Variants in KLF12 observed in about 807,000 individuals in gnomAD.
KLF12 encodes the protein Krueppel-like factor 12.
A neutral mutation model predicts 37.8 loss-of-function variants in KLF12; 9 were observed. That is an observed-to-expected ratio of 0.24 (90% CI 0.14 to 0.42). The LOEUF is 0.42. Among genes scored for constraint, KLF12 ranks in the 10% least tolerant of loss-of-function variants. The probability of loss-of-function intolerance (pLI) is 1.00; values close to 1 mark genes in which losing one functional copy is unlikely to be tolerated. For missense variants in KLF12, 411 were observed against 516.0 expected, an observed-to-expected ratio of 0.80 and a Z score of 1.97; for synonymous variants, 208 against 202.1, an observed-to-expected ratio of 1.03 and a Z score of -0.25.
intron 3 of KLF12, among the ~76,000 whole-genome samples, chr13:73,889,740 A>G (rs1277127245): frequency 6.6e-6 from 1 of 152,152 alleles, no homozygotes; most frequent in East Asian, 1.9e-4. Flanking sequence ...AAGGGCTAAC[A>G]GAGTAAAAAA....
the KLF12 span, among the ~76,000 whole-genome samples, chr13:74,172,086 C>G: frequency 6.6e-6 from 1 of 150,854 alleles, no homozygotes; most frequent in African/African-American, 2.4e-5. Context: ...GTTTCAGCTA[C>G]AAGGAGAACT....
the KLF12 span, among the ~76,000 whole-genome samples, chr13:74,301,236 GA>G: frequency 6.6e-6 from 1 of 152,104 alleles, no homozygotes; most frequent in East Asian, 1.9e-4. Context: ...CCAGATCCCT[GA>G]TTACTTTTGC....
intron 3 of KLF12, among the ~76,000 whole-genome samples, chr13:73,919,230 A>T (rs1185584597): frequency 6.6e-6 from 1 of 152,188 alleles, no homozygotes; most frequent in Non-Finnish European, 1.5e-5. Context: ...GGGAGCTCCT[A>T]AAGTGTCACC....
chr13:74,157,372 A>G, the KLF12 span, among the ~76,000 whole-genome samples: 1 of 152,234 alleles, frequency 6.6e-6, no homozygotes, highest in South Asian at 2.1e-4. Flanking sequence ...TAGCAGGGCT[A>G]CAGTTACCTG....
the KLF12 span, among the ~76,000 whole-genome samples, chr13:74,278,029 T>G: frequency 1.3e-5 from 2 of 152,160 alleles, no homozygotes. Flanking sequence ...ACATGCCTGG[T>G]AGTATTGTGG....
At position 73,917,691 on chromosome 13, in the gene KLF12, G is replaced by T. The variant is rs369437236; in HGVS notation, c.123+26290C>A. Among the ~76,000 whole-genome samples, 11 of 152,120 alleles carry T rather than the reference G, an allele frequency of 7.2e-5. No individual in the cohort carries two copies. In the East Asian group the frequency reaches 1.2e-3, roughly 16 times the overall value. On this transcript the variant is annotated intron_variant, in intron 3 of 7. Coordinates refer to ENST00000377669, the MANE Select transcript of KLF12 (RefSeq NM_007249.5). Reference sequence around the variant, plus strand: ...ATTAAATACATGAAATACTAAATCTGGCAAACAGGCAATAAACAAACACTA... The same window carrying T: ...ATTAAATACATGAAATACTAAATCTTGCAAACAGGCAATAAACAAACACTA...
chr13:74,000,211 T>C (rs971888395), intron 1 of KLF12, among the ~76,000 whole-genome samples: 2 of 152,228 alleles, frequency 1.3e-5, no homozygotes, highest in Non-Finnish European at 2.9e-5. Flanking sequence ...TTCAGCTTTC[T>C]TGAAAACTAG....
chr13:74,095,274 T>G (rs1383485374), intron 1 of KLF12, among the ~76,000 whole-genome samples: 1 of 152,208 alleles, frequency 6.6e-6, no homozygotes, highest in Non-Finnish European at 1.5e-5. Flanking sequence ...CAAAAGTTTA[T>G]AGCAATATAA....
chr13:74,132,359 G>T (rs1372578315), intron 1 of KLF12, among the ~76,000 whole-genome samples: 1 of 152,168 alleles, frequency 6.6e-6, no homozygotes, highest in Admixed American at 6.5e-5. Flanking sequence ...GTATTTGATT[G>T]GCAGATGTCT....
chr13:74,035,575 C>T (rs888639927), intron 1 of KLF12, among the ~76,000 whole-genome samples: 2 of 152,040 alleles, frequency 1.3e-5, no homozygotes, highest in African/African-American at 4.8e-5. Context: ...CTGAATGAAG[C>T]CAAACAAAAA....
intron 3 of KLF12, among the ~76,000 whole-genome samples, chr13:73,896,368 AT>A (rs945178273): frequency 6.6e-6 from 1 of 152,042 alleles, no homozygotes; most frequent in East Asian, 1.9e-4. Context: ...TGAGAATGAG[AT>A]TTTTTTCAAA....
chr13:74,237,247 G>A, the KLF12 span, among the ~76,000 whole-genome samples: 48 of 130,624 alleles, frequency 3.7e-4, 5 homozygotes, highest in Admixed American at 3.3e-3. Flanking sequence ...AGATCAGATA[G>A]TTGTAGATAT....
intron 2 of KLF12, among the ~76,000 whole-genome samples, chr13:73,945,766 G>A (rs1343589840): frequency 6.6e-6 from 1 of 152,090 alleles, no homozygotes; most frequent in African/African-American, 2.4e-5. Flanking sequence ...CCCCATAAAT[G>A]TTCAATATTT....
At position 73,975,118 on chromosome 13, in the gene KLF12, A is replaced by G. The variant is rs146181684; in HGVS notation, c.33+19872T>C. 3.2e-3 allele frequency among the ~76,000 whole-genome samples: 491 copies of G among 152,332 alleles called. 2 individuals carry two copies. Among genetic ancestry groups the G allele is most frequent in the African/African-American group, 0.01 (420 of 41,584 alleles). Reference sequence around the variant, plus strand: ...TGTATGTTCATCTAAAAATCTAACTAAATATTGAGTATGTAATTCAAAAGT... The same window carrying G: ...TGTATGTTCATCTAAAAATCTAACTGAATATTGAGTATGTAATTCAAAAGT... On this transcript the variant is annotated intron_variant, in intron 2 of 7. Transcript: ENST00000377669.
At chr13:73,946,130 T>G (rs1368604512) in intron 2 of KLF12, among the ~76,000 whole-genome samples, 1 of 152,154 alleles carries the variant, frequency 6.6e-6, no homozygotes, top group Non-Finnish European at 1.5e-5. Context: ...GTAGGCTGTT[T>G]GGCTGGTAGA....
At chr13:74,175,308 G>A in the KLF12 span, among the ~76,000 whole-genome samples, 1 of 152,188 alleles carries the variant, frequency 6.6e-6, no homozygotes, top group African/African-American at 2.4e-5. Context: ...CAGTTAGAAA[G>A]TGGCTCAGAT....
the KLF12 span, among the ~76,000 whole-genome samples, chr13:74,141,606 A>G: frequency 6.6e-6 from 1 of 152,180 alleles, no homozygotes; most frequent in East Asian, 1.9e-4. Context: ...TCCCTGGCAC[A>G]CCAAAGCCCC....
At chr13:73,971,700 T>C (rs1891346623) in intron 2 of KLF12, among the ~76,000 whole-genome samples, 1 of 152,056 alleles carries the variant, frequency 6.6e-6, no homozygotes, top group African/African-American at 2.4e-5. Flanking sequence ...TCAATGAAAA[T>C]ACTACATTCA....
At position 74,129,999 on chromosome 13, in the gene KLF12, C is replaced by A. The variant is rs577144895; in HGVS notation, c.-32+3740G>T. On this transcript the variant is annotated intron_variant, in intron 1 of 7. Coordinates refer to ENST00000377669, the MANE Select transcript of KLF12 (RefSeq NM_007249.5). The stretch of plus-strand genomic sequence containing the variant: ...TCTGGCGGGTGGAAGTCAGGCAGCT[C>A]TCTGGGCTGGGCTTGGGATCCAGAA... Among the ~76,000 whole-genome samples, 196 of 152,328 alleles carry A rather than the reference C, an allele frequency of 1.3e-3. 1 individual carries two copies. The highest frequency in any genetic ancestry group is 3.9e-3 in the African/African-American group (161 of 41,564).
Sources: gnomAD v4.1 joint callset for allele counts (sites outside exome capture counted in the v4.1 genomes callset) on GRCh38, gnomAD v4.1.1 for gene constraint, MANE v1.5 for transcripts, NCBI Gene and HGNC (gene_info 2026-07-23, HGNC 2026-07-21) for gene names.